LRMDA: variants seen among roughly 807,000 people sequenced by gnomAD.
The protein encoded by LRMDA is leucine-rich melanocyte differentiation-associated protein.
Under a neutral mutation model 29.8 loss-of-function variants are expected in LRMDA, and 18 were observed. The observed-to-expected ratio is 0.60, with a 90% CI of 0.42 to 0.90. LRMDA has a LOEUF of 0.90. Ranked by LOEUF, LRMDA falls within the 40% of genes least tolerant of loss-of-function variation. The pLI, the probability that LRMDA is intolerant of heterozygous loss-of-function variation, is 0.00. For synonymous variants in LRMDA, 125 were observed against 109.4 expected (o/e 1.14, Z -0.89); for missense variants, 273 against 273.9 (o/e 1.00, Z 0.02).
At chr10:76,235,882 G>A (rs1170133915) in intron 5 of LRMDA, among the ~76,000 whole-genome samples, 1 of 152,186 alleles carries the variant, frequency 6.6e-6, no homozygotes, top group Non-Finnish European at 1.5e-5. Flanking sequence ...CTTTACAGAT[G>A]TAAGTTTCTT....
chr10:75,537,036 C>T (rs760560219), intron 2 of LRMDA, among the ~76,000 whole-genome samples: 1 of 152,170 alleles, frequency 6.6e-6, no homozygotes, highest in Non-Finnish European at 1.5e-5. Context: ...AGCACAGATG[C>T]TCTGGTATTT....
chr10:75,772,860 G>A (rs1194674554), intron 2 of LRMDA, among the ~76,000 whole-genome samples: 4 of 103,214 alleles, frequency 3.9e-5, no homozygotes, highest in Non-Finnish European at 6.5e-5. Flanking sequence ...TTTTTTGGGG[G>A]GGGTGGGATG....
chr10:76,034,005 A>G (rs1232678067), intron 2 of LRMDA, among the ~76,000 whole-genome samples: 2 of 152,286 alleles, frequency 1.3e-5, no homozygotes, highest in Admixed American at 6.5e-5. Context: ...AGCGTATGCT[A>G]GTAACCAGTT....
chr10:76,310,561 T>C (rs370244878), intron 5 of LRMDA, among the ~76,000 whole-genome samples: 1 of 152,224 alleles, frequency 6.6e-6, no homozygotes, highest in African/African-American at 2.4e-5. Flanking sequence ...TACCATTTTG[T>C]TAGGTCTGAG....
At chr10:75,637,589 C>T (rs1419366191) in intron 2 of LRMDA, among the ~76,000 whole-genome samples, 1 of 152,176 alleles carries the variant, frequency 6.6e-6, no homozygotes, top group African/African-American at 2.4e-5. Context: ...CGGAAAGCTG[C>T]ACCAAGATCC....
intron 2 of LRMDA, among the ~76,000 whole-genome samples, chr10:75,997,378 A>G (rs2132465488): frequency 6.6e-6 from 1 of 152,214 alleles, no homozygotes; most frequent in South Asian, 2.1e-4. Context: ...GTTTGAAGAG[A>G]GGATTATAAT....
intron 2 of LRMDA, among the ~76,000 whole-genome samples, chr10:75,447,615 A>G (rs1026855178): frequency 6.6e-6 from 1 of 152,178 alleles, no homozygotes; most frequent in Non-Finnish European, 1.5e-5. Context: ...AAGTGTCAAA[A>G]CAGTCTGACT....
chr10:75,965,845 A>G (rs537684354), intron 2 of LRMDA, among the ~76,000 whole-genome samples: 13 of 152,320 alleles, frequency 8.5e-5, no homozygotes, highest in African/African-American at 2.6e-4. Context: ...ATGGTGCCCA[A>G]TCATCTGTCA....
At chr10:75,839,159 C>T (rs182683348) in intron 2 of LRMDA, among the ~76,000 whole-genome samples, 2 of 152,332 alleles carry the variant, frequency 1.3e-5, no homozygotes, top group Non-Finnish European at 2.9e-5. Flanking sequence ...GTGGAGGCTT[C>T]ATCAAGAATG....
intron 2 of LRMDA, among the ~76,000 whole-genome samples, chr10:75,525,897 C>T (rs888696973): frequency 4.0e-5 from 6 of 151,630 alleles, no homozygotes; most frequent in African/African-American, 1.2e-4. Context: ...CCATTCTGAC[C>T]ACAATTATTT....
At chr10:76,098,614 G>T (rs1231559586) in intron 5 of LRMDA, among the ~76,000 whole-genome samples, 1 of 151,832 alleles carries the variant, frequency 6.6e-6, no homozygotes, top group Non-Finnish European at 1.5e-5. Context: ...TCTATCAGTT[G>T]TATTGACTTT....
chr10:75,851,550 C>T (rs1844733433), intron 2 of LRMDA, among the ~76,000 whole-genome samples: 1 of 152,218 alleles, frequency 6.6e-6, no homozygotes, highest in South Asian at 2.1e-4. Context: ...ACTCTTCTCA[C>T]TACTTGTTCT....
intron 2 of LRMDA, among the ~76,000 whole-genome samples, chr10:75,669,519 T>G (rs1201316396): frequency 6.6e-6 from 1 of 152,244 alleles, no homozygotes; most frequent in Non-Finnish European, 1.5e-5. Flanking sequence ...GCCAAATTAT[T>G]TTGTGAATTA....
intron 2 of LRMDA, among the ~76,000 whole-genome samples, chr10:75,637,891 A>G: frequency 6.6e-6 from 1 of 152,162 alleles, no homozygotes; most frequent in East Asian, 1.9e-4. Flanking sequence ...CCCCATTTGC[A>G]TGGTGTGCAG....
intron 2 of LRMDA, among the ~76,000 whole-genome samples, chr10:75,783,645 T>A (rs1010300945): frequency 6.6e-6 from 1 of 152,198 alleles, no homozygotes; most frequent in African/African-American, 2.4e-5. Flanking sequence ...GACCATGATG[T>A]AAGTATTAAC....
chr10:75,879,003 C>G (rs1242466724), intron 2 of LRMDA, among the ~76,000 whole-genome samples: 4 of 152,330 alleles, frequency 2.6e-5, no homozygotes, highest in African/African-American at 9.6e-5. Flanking sequence ...GTTTCTTTCA[C>G]TTACCTAGGT....
chr10:75,471,213 C>T (rs542936901), intron 2 of LRMDA, among the ~76,000 whole-genome samples: 28 of 149,240 alleles, frequency 1.9e-4, no homozygotes, highest in Non-Finnish European at 2.1e-4. Context: ...TTTTTTCTGG[C>T]GGGGGGGTGG....
chr10:76,067,343 T>G (rs2132064393), intron 5 of LRMDA, among the ~76,000 whole-genome samples: 1 of 152,350 alleles, frequency 6.6e-6, no homozygotes, highest in South Asian at 2.1e-4. Context: ...CTGCACATTA[T>G]CAGCTTGACA....
chr10:75,729,967 T>A (rs545409373), intron 2 of LRMDA, among the ~76,000 whole-genome samples: 76 of 152,240 alleles, frequency 5.0e-4, no homozygotes, highest in African/African-American at 1.5e-3. Flanking sequence ...CTATTTTTTT[T>A]AAATTTTTAT....
Sources: gnomAD v4.1 joint callset for allele counts (sites outside exome capture counted in the v4.1 genomes callset) on GRCh38, gnomAD v4.1.1 for gene constraint, MANE v1.5 for transcripts, NCBI Gene and HGNC (gene_info 2026-07-23, HGNC 2026-07-21) for gene names.